The following ABCA3 variants were observed in gnomAD, a reference collection of about 807,000 sequenced individuals.
ABCA3 encodes the protein ATP binding cassette subfamily A member 3.
Under a neutral mutation model 172.8 loss-of-function variants are expected in ABCA3, and 88 were observed. The observed-to-expected ratio is 0.51, with a 90% CI of 0.43 to 0.61. The LOEUF is 0.61. Ranked by LOEUF, ABCA3 falls within the 20% of genes least tolerant of loss-of-function variation. The pLI is 0.00. For missense variants in ABCA3, 2,164 were observed against 2,301.0 expected (o/e 0.94, Z 1.22); for synonymous variants, 1,066 against 983.8 (o/e 1.08, Z -1.56).
In ABCA3 at chr16:2,276,808, T is replaced by C; in HGVS notation, c.4984-3A>G. The C allele has an allele frequency of 6.2e-7, 1 of 1,613,608 alleles. No homozygotes were observed. The highest frequency in any genetic ancestry group is 8.5e-7 in the Non-Finnish European group (1 of 1,179,982). ...GCTTTCTCCAGAATACCGAAAACCT[T>C]TGGGGAGCAGAAAAGTCACTGGTAG... is the stretch of plus-strand genomic sequence containing the variant. On this transcript the variant is annotated splice_region_variant and splice_polypyrimidine_tract_variant and intron_variant, in intron 32 of 32. Coordinates refer to ENST00000301732, the MANE Select transcript of ABCA3 (RefSeq NM_001089.3).
chr16:2,303,616 C>G (rs1426218833), intron 12 of ABCA3, among the ~76,000 whole-genome samples: 1 of 152,008 alleles, frequency 6.6e-6, no homozygotes, highest in Non-Finnish European at 1.5e-5. Context: ...GGTAGAAAAC[C>G]CAATAAGATA....
chr16:2,298,293 T>A, intron 15 of ABCA3, 93 bp downstream of exon 15: 1 of 1,572,272 alleles, frequency 6.4e-7, no homozygotes. Flanking sequence ...CCCTCCTGGC[T>A]CCCTTCCTCC....
At chr16:2,337,547 G>A (rs1048260138) in intron 1 of ABCA3, among the ~76,000 whole-genome samples, 2 of 136,374 alleles carry the variant, frequency 1.5e-5, no homozygotes, top group African/African-American at 3.2e-5. Flanking sequence ...CTAATTGTTT[G>A]ATTTTTTTTT....
intron 1 of ABCA3, among the ~76,000 whole-genome samples, chr16:2,333,967 C>G (rs972143495): frequency 6.6e-6 from 1 of 152,190 alleles, no homozygotes; most frequent in African/African-American, 2.4e-5. Flanking sequence ...GCTGGGATTA[C>G]AGGCATGAGC....
intron 11 of ABCA3, among the ~76,000 whole-genome samples, chr16:2,306,738 A>G (rs2093698172): frequency 6.6e-6 from 1 of 152,138 alleles, no homozygotes; most frequent in African/African-American, 2.4e-5. Context: ...ATTAAGAAAA[A>G]AAGTGGGCGG....
intron 28 of ABCA3, among the ~76,000 whole-genome samples, chr16:2,280,412 G>C (rs1381191257): frequency 1.3e-5 from 2 of 152,228 alleles, no homozygotes; most frequent in African/African-American, 4.8e-5. Flanking sequence ...CTCTATGGGG[G>C]AGTCTGCAGC....
In ABCA3 at chr16:2,285,460, G is replaced by C. The variant is rs1284334616; in HGVS notation, c.3465C>G (p.Ile1155Met). ...ALLWDLISFL[I>M]PSLLLLVVFK... ...CGCTCACCAGCAGCAGCAGACTGGG[G>C]ATGAGGAAGGAGATGAGGTCCCACA... Residue 1155 changes from isoleucine (I) to methionine (M), a missense_variant, in exon 23 of 33, where the codon ATC becomes ATG. Around this residue, in one of 3 missense-constraint regions of ABCA3, gnomAD observed 795 missense variants for 881.9 expected, o/e 0.90. Transcript: ENST00000301732. This position sits in a 1 kb window ranked among gnomAD's most constrained non-coding sequence, Gnocchi z 4.7. The C allele has an allele frequency of 2.5e-6, 4 of 1,611,036 alleles. No homozygotes were observed. Among genetic ancestry groups the C allele is most frequent in the Non-Finnish European group, 3.4e-6 (4 of 1,178,718 alleles).
Position 2,297,651 on chromosome 16 carries a change from G to A in ABCA3, c.2053-112C>T. The A allele has an allele frequency of 6.3e-7, 1 of 1,588,568 alleles. No homozygotes were observed. The highest frequency in any genetic ancestry group is 8.5e-7 in the Non-Finnish European group (1 of 1,170,982). ...CGCGGAGCCGGCTTGAGTCCTCCAA[G>A]GATGGTGATGGCCTTGTCTGGGGTG... On this transcript the variant is annotated intron_variant, in intron 16 of 32. Coordinates refer to ENST00000301732, the MANE Select transcript of ABCA3 (RefSeq NM_001089.3). This position sits in a 1 kb window ranked among gnomAD's most constrained non-coding sequence, Gnocchi z 5.6.
In ABCA3 at chr16:2,276,595, A is replaced by G. The variant is rs1567334877; in HGVS notation, c.*79T>C. 2 of 1,584,910 alleles carry G rather than the reference A, an allele frequency of 1.3e-6. No homozygotes were observed. Among genetic ancestry groups the G allele is most frequent in the Non-Finnish European group, 8.6e-7 (1 of 1,168,026 alleles). ...AGTGATTAAAAATAAAGGATGAGAT[A>G]AACTTGGAGAGAGAGGATGTAAGAT... On this transcript the variant is annotated 3_prime_UTR_variant, in exon 33 of 33. Transcript: ENST00000301732.
intron 1 of ABCA3, among the ~76,000 whole-genome samples, chr16:2,338,565 G>C (rs1195319339): frequency 1.3e-5 from 2 of 151,944 alleles, no homozygotes; most frequent in East Asian, 3.9e-4. Context: ...CGGGAAGCCT[G>C]GGTGGAGACC....
chr16:2,299,919 G>T, intron 13 of ABCA3, 86 bp downstream of exon 13: 1 of 1,575,022 alleles, frequency 6.3e-7, no homozygotes, highest in Non-Finnish European at 8.6e-7. Context: ...AGCGCCTGAC[G>T]GGCTATGAGG....
At position 2,288,041 on chromosome 16, in the gene ABCA3, G is replaced by T; in HGVS notation, c.2989C>A (p.Pro997Thr). 6.2e-7 allele frequency: 1 copy of T among 1,608,990 alleles called. No individual in the cohort carries two copies. The highest frequency in any genetic ancestry group is 8.5e-7 in the Non-Finnish European group (1 of 1,179,980). Residue 997 changes from proline to threonine, a missense_variant, in exon 21 of 33, where the codon CCC becomes ACC. By Grantham distance (38) the Pro-to-Thr change is conservative. This residue lies in a region of ABCA3 where 1,343 missense variants were observed against 1,369.6 expected (regional missense o/e 0.98). Transcript: ENST00000301732. ...TGCCCCTTACCGAGCACCTCGCGGGGCTCCTGTCCCTCAGCCTGCAGTGCG... is the reference window on the plus strand; with the variant it reads ...TGCCCCTTACCGAGCACCTCGCGGGTCTCCTGTCCCTCAGCCTGCAGTGCG... ...KDALQAEGQE[P>T]REVLGDLEEF... is the part of the protein sequence containing the mutation.
At chr16:2,314,836 A>G (rs2093712316) in intron 10 of ABCA3, among the ~76,000 whole-genome samples, 1 of 150,838 alleles carries the variant, frequency 6.6e-6, no homozygotes, top group Non-Finnish European at 1.5e-5. Context: ...TTGGCCTCCC[A>G]AAGTGGGATT....
In ABCA3 at chr16:2,281,191, C is replaced by T. The variant is rs763166660; in HGVS notation, c.4195G>A (p.Val1399Met). 13 of 1,613,490 alleles carry T rather than the reference C, an allele frequency of 8.1e-6. No individual in the cohort carries two copies. The highest frequency in any genetic ancestry group is 2.7e-5 in the African/African-American group (2 of 74,932). Residue 1399 changes from valine (V) to methionine (M), a missense_variant, in exon 28 of 33, where the codon GTG becomes ATG. Physicochemically the swap from Val to Met is conservative, Grantham distance 21. This residue lies in a region of ABCA3 where 795 missense variants were observed against 881.9 expected (regional missense o/e 0.90). Transcript: ENST00000301732. This position sits in a 1 kb window ranked among gnomAD's most constrained non-coding sequence, Gnocchi z 4.7. ...VYEQRVPLLAVDRLSLAVQKG... is the reference protein window; with the variant it reads ...VYEQRVPLLAMDRLSLAVQKG... ...TGCACCGCGAGGGAGAGCCTGTCCA[C>T]GGCCAGGAGGGGCACCCGCTGCTCG...
rs1365820285 is a variant in ABCA3 at position 2,284,030 on chromosome 16, G to A, written c.3862+249C>T. On this transcript the variant is annotated intron_variant, in intron 25 of 32. Coordinates refer to ENST00000301732, the MANE Select transcript of ABCA3 (RefSeq NM_001089.3). The surrounding 1 kb of genome is among the most constrained non-coding windows in gnomAD (Gnocchi z 5.9). ...GGATTCACTCCTCGTGCTAAGCGCT[G>A]GTCTGTGGTTCCTTGTTACAGATGC... The A allele has an allele frequency of 4.1e-6, 2 of 489,760 alleles. No homozygotes were observed. The highest frequency in any genetic ancestry group is 2.0e-5 in the African/African-American group (1 of 51,244). The allele number at this position is 489,760 out of a possible 1,614,324, so 30.3% of individuals were successfully genotyped here.
chr16:2,317,868 C>T (rs2093718964), intron 8 of ABCA3, 104 bp from the exon 9 acceptor site: 4 of 1,034,864 alleles, frequency 3.9e-6, no homozygotes, highest in Non-Finnish European at 6.0e-6. Flanking sequence ...GTCCCAGCAG[C>T]CCTGCATTCG....
chr16:2,285,085 T>C lies in ABCA3; in HGVS notation c.3484-87A>G, dbSNP rs2093660827. 7.8e-6 allele frequency: 11 copies of C among 1,411,676 alleles called. No homozygotes were observed. The highest frequency in any genetic ancestry group is 1.1e-5 in the Non-Finnish European group (11 of 1,027,954). 87.4% of individuals were successfully genotyped at this position (1,411,676 alleles called of 1,614,324 possible). A position where few individuals can be genotyped will look rare whatever the true frequency, so the allele number is the denominator to read the frequency against. ...AAGGGGTGAGAGGAGCATTTGGAGG[T>C]CCTCAGACCCCTCCCGGTCAGCTGG... is the stretch of plus-strand genomic sequence containing the variant. On this transcript the variant is annotated intron_variant, in intron 23 of 32. Coordinates refer to ENST00000301732, the MANE Select transcript of ABCA3 (RefSeq NM_001089.3). This position sits in a 1 kb window ranked among gnomAD's most constrained non-coding sequence, Gnocchi z 4.7.
In ABCA3 at chr16:2,337,393, C is replaced by T. The variant is rs535207688; in HGVS notation, c.-539+3180G>A. 5.4e-4 allele frequency among the ~76,000 whole-genome samples: 79 copies of T among 146,008 alleles called. 1 individual carries two copies. Among genetic ancestry groups the T allele is most frequent in the Non-Finnish European group, 9.1e-4 (61 of 66,838 alleles). On this transcript the variant is annotated intron_variant, in intron 1 of 32. Transcript: ENST00000301732. ...CTGAGGCCTTTTTTTTTTTTTCATG[C>T]AGGGTCTCACTCTTTTGCCTAGGCT...
At chr16:2,335,621 G>A (rs1171145540) in intron 1 of ABCA3, among the ~76,000 whole-genome samples, 1 of 152,200 alleles carries the variant, frequency 6.6e-6, no homozygotes, top group East Asian at 1.9e-4. Context: ...ACGCTGGCTT[G>A]TATGTCAGCA....
Sources: allele counts gnomAD v4.1 joint callset (sites outside exome capture counted in the v4.1 genomes callset), GRCh38; gene constraint gnomAD v4.1.1; regional missense constraint gnomAD v4.1.1; non-coding constraint Gnocchi (gnomAD v3.1); transcripts MANE v1.5; gene names NCBI Gene and HGNC (gene_info 2026-07-23, HGNC 2026-07-21).